ZBTB7C: variants seen among roughly 807,000 people sequenced by gnomAD.
ZBTB7C encodes the protein zinc finger and BTB domain-containing protein 7C.
Under a neutral mutation model 25.7 loss-of-function variants are expected in ZBTB7C, and 8 were observed. That is an observed-to-expected ratio of 0.31 (90% CI 0.18 to 0.56). ZBTB7C has a LOEUF of 0.56. ZBTB7C is among the 20% of genes least tolerant of loss of function. The pLI, the probability that ZBTB7C is intolerant of heterozygous loss-of-function variation, is 0.91. For synonymous variants in ZBTB7C, 394 were observed against 369.0 expected, an observed-to-expected ratio of 1.07 and a Z score of -0.78; for missense variants, 824 against 855.2, an observed-to-expected ratio of 0.96 and a Z score of 0.46.
At chr18:48,410,060 A>T (rs2048366093), upstream of ZBTB7C, among the ~76,000 whole-genome samples, 1 of 147,786 alleles carries the variant, frequency 6.8e-6, no homozygotes, top group Admixed American at 6.6e-5. Flanking sequence ...GCGCACGGCT[A>T]TTTTTACAGA....
At chr18:48,386,679 A>G (rs2047755704) in intron 1 of ZBTB7C, among the ~76,000 whole-genome samples, 1 of 152,244 alleles carries the variant, frequency 6.6e-6, no homozygotes, top group South Asian at 2.1e-4. Flanking sequence ...GAATAAATTC[A>G]AGAGCCACAC....
intron 3 of ZBTB7C, among the ~76,000 whole-genome samples, chr18:48,109,333 C>T (rs2039149783): frequency 6.6e-6 from 1 of 152,160 alleles, no homozygotes; most frequent in Non-Finnish European, 1.5e-5. Context: ...GAGCCCTTTC[C>T]CTTTCTAGAA....
chr18:48,305,518 C>T lies in ZBTB7C; in HGVS notation c.-79+32656G>A, dbSNP rs114965446. On this transcript the variant is annotated intron_variant, in intron 2 of 4. Coordinates refer to ENST00000590800, the MANE Select transcript of ZBTB7C (RefSeq NM_001318841.2). Reference sequence around the variant, plus strand: ...TGAGCATCTACCAAGTGCCCAGCACCGCGTGAGACACGTCAGACATACTAG... The same window carrying T: ...TGAGCATCTACCAAGTGCCCAGCACTGCGTGAGACACGTCAGACATACTAG... Among the ~76,000 whole-genome samples the T allele has an allele frequency of 2.4e-3, 358 of 152,244 alleles. 5 individuals carry two copies. Among genetic ancestry groups the T allele is most frequent in the African/African-American group, 8.3e-3 (346 of 41,558 alleles).
At chr18:48,242,302 T>C (rs796183297) in intron 2 of ZBTB7C, among the ~76,000 whole-genome samples, 6 of 152,246 alleles carry the variant, frequency 3.9e-5, no homozygotes, top group African/African-American at 9.6e-5. Flanking sequence ...ATTGAAACTA[T>C]TCCAAAAGAC....
At chr18:48,111,623 C>T (rs1476651059) in intron 3 of ZBTB7C, among the ~76,000 whole-genome samples, 1 of 152,196 alleles carries the variant, frequency 6.6e-6, no homozygotes, top group Non-Finnish European at 1.5e-5. Flanking sequence ...GCTCTGTTTT[C>T]ACCTGGGATG....
chr18:48,323,854 C>T (rs923875228), intron 2 of ZBTB7C, among the ~76,000 whole-genome samples: 1 of 152,040 alleles, frequency 6.6e-6, no homozygotes. Flanking sequence ...AACTGTGATG[C>T]TATGGTCTGA....
At chr18:48,236,057 T>C (rs976578335) in intron 2 of ZBTB7C, among the ~76,000 whole-genome samples, 2 of 152,230 alleles carry the variant, frequency 1.3e-5, no homozygotes, top group Non-Finnish European at 2.9e-5. Flanking sequence ...GAATTAGACA[T>C]GTGTTAGACC....
chr18:48,247,740 G>GT (rs1243169342), intron 2 of ZBTB7C, among the ~76,000 whole-genome samples: 1 of 152,150 alleles, frequency 6.6e-6, no homozygotes, highest in African/African-American at 2.4e-5. Flanking sequence ...TTGGATCACG[G>GT]GGGTAGTTTC....
chr18:48,384,393 G>A (rs1004855378), intron 1 of ZBTB7C, among the ~76,000 whole-genome samples: 5 of 152,232 alleles, frequency 3.3e-5, no homozygotes, highest in South Asian at 4.1e-4. Context: ...CACGACTGGT[G>A]AAGCTATATA....
chr18:48,275,838 A>G (rs1288918104), intron 2 of ZBTB7C, among the ~76,000 whole-genome samples: 1 of 152,224 alleles, frequency 6.6e-6, no homozygotes, highest in African/African-American at 2.4e-5. Flanking sequence ...GAAGCTCTTT[A>G]AATTCCAATC....
chr18:48,304,224 A>G (rs72909627), intron 2 of ZBTB7C, among the ~76,000 whole-genome samples: 20,735 of 152,208 alleles, frequency 0.14, 1,666 homozygotes, highest in Non-Finnish European at 0.19. Flanking sequence ...GGTACCTTGC[A>G]CCTGGTGTAC....
intron 1 of ZBTB7C, among the ~76,000 whole-genome samples, chr18:48,368,272 A>G (rs1400671418): frequency 6.6e-6 from 1 of 151,974 alleles, no homozygotes; most frequent in East Asian, 1.9e-4. Flanking sequence ...AATATAAAGA[A>G]CCAAATGGAA....
intron 1 of ZBTB7C, among the ~76,000 whole-genome samples, chr18:48,367,366 ATATAT>A (rs1568404483): frequency 3.0e-4 from 42 of 138,988 alleles, no homozygotes; most frequent in Admixed American, 5.0e-4. Flanking sequence ...ATATATATAT[ATATAT>A]AAAATACAAA....
chr18:48,249,054 A>C (rs2144415167), intron 2 of ZBTB7C, among the ~76,000 whole-genome samples: 1 of 152,352 alleles, frequency 6.6e-6, no homozygotes, highest in East Asian at 1.9e-4. Flanking sequence ...AAACAAAGGA[A>C]TGTAAATTAA....
chr18:48,057,070 A>AC (rs1555682365), intron 3 of ZBTB7C, among the ~76,000 whole-genome samples: 2 of 149,912 alleles, frequency 1.3e-5, no homozygotes, highest in Non-Finnish European at 3.0e-5. Flanking sequence ...AAAAAAAAAA[A>AC]CCAACCCATG....
intron 1 of ZBTB7C, among the ~76,000 whole-genome samples, chr18:48,401,121 A>C (rs560348213): frequency 7.2e-5 from 11 of 152,282 alleles, no homozygotes; most frequent in Middle Eastern, 3.4e-3. Flanking sequence ...TTCTACCTGC[A>C]TGTGAGCTCA....
chr18:48,158,001 C>T (rs2040888763), intron 3 of ZBTB7C, among the ~76,000 whole-genome samples: 1 of 152,104 alleles, frequency 6.6e-6, no homozygotes, highest in Non-Finnish European at 1.5e-5. Flanking sequence ...ACTTGGCAAA[C>T]ATCCTAGATG....
At chr18:48,304,710 G>A (rs146261226) in intron 2 of ZBTB7C, among the ~76,000 whole-genome samples, 23 of 151,680 alleles carry the variant, frequency 1.5e-4, no homozygotes, top group African/African-American at 2.4e-4. Flanking sequence ...CCATGGTGGC[G>A]CACACCTGTA....
chr18:48,293,979 C>T (rs55738926), intron 2 of ZBTB7C, among the ~76,000 whole-genome samples: 17,835 of 152,222 alleles, frequency 0.12, 1,309 homozygotes, highest in Non-Finnish European at 0.17. Flanking sequence ...AGATCAGGCC[C>T]GCTGTGGCCG....
Sources: allele counts gnomAD v4.1 joint callset (sites outside exome capture counted in the v4.1 genomes callset), GRCh38; gene constraint gnomAD v4.1.1; transcripts MANE v1.5; gene names NCBI Gene and HGNC (gene_info 2026-07-23, HGNC 2026-07-21).